The following CACNA1D variants were observed in gnomAD, a reference collection of about 807,000 sequenced individuals.
CACNA1D encodes the protein calcium voltage-gated channel subunit alpha1 D.
CACNA1D carries 55 observed loss-of-function variants against 257.1 expected under a neutral mutation model. The observed-to-expected ratio is 0.21, with a 90% CI of 0.17 to 0.27. The LOEUF (loss-of-function observed/expected upper bound fraction) is 0.27. CACNA1D is among the 10% of genes least tolerant of loss of function. CACNA1D has a pLI of 1.00. For missense variants in CACNA1D, 1,876 were observed against 2,784.0 expected, an observed-to-expected ratio of 0.67 and a Z score of 7.34; for synonymous variants, 980 against 1,014.9, an observed-to-expected ratio of 0.97 and a Z score of 0.65.
intron 4 of CACNA1D, among the ~76,000 whole-genome samples, chr3:53,651,361 A>ATTTTATTTTTTTTTTT (rs1576235107): frequency 1.7e-5 from 1 of 57,168 alleles, no homozygotes; most frequent in Non-Finnish European, 3.4e-5. Flanking sequence ...AAAGCTATTA[A>ATTTTATTTTTTTTTTT]TTTTCTTTTT....
At position 53,813,129 on chromosome 3, in the gene CACNA1D, A is replaced by ATTTTTTTTTTTTTTTTTTTTTTTTTTTTT. The variant is rs59630779; in HGVS notation, c.*1746_*1747insTTTTTTTTTTTTTTTTTTTTTTTTTTTTT. The ATTTTTTTTTTTTTTTTTTTTTTTTTTTTT allele has an allele frequency of 8.5e-6, 1 of 118,120 alleles. No homozygotes were observed. The allele number at this position is 118,120 out of a possible 1,614,324, so 7.3% of individuals were successfully genotyped here. ...TTAATAGTATACAGACAACCTGTTA[A>ATTTTTTTTTTTTTTTTTTTTTTTTTTTTT]TTTTTTTTTTTTTTTTTTTTTTTGT... On this transcript the variant is annotated 3_prime_UTR_variant, in exon 48 of 48. Transcript: ENST00000350061.
intron 3 of CACNA1D, among the ~76,000 whole-genome samples, chr3:53,515,503 C>T (rs1161798211): frequency 6.6e-6 from 1 of 152,192 alleles, no homozygotes; most frequent in South Asian, 2.1e-4. Flanking sequence ...ATTTGACACA[C>T]CAGGCAGCCA....
At chr3:53,781,202 C>T (rs1181037616) in intron 38 of CACNA1D, among the ~76,000 whole-genome samples, 1 of 152,124 alleles carries the variant, frequency 6.6e-6, no homozygotes, top group Non-Finnish European at 1.5e-5. Context: ...GAAGGAGGTA[C>T]GATTTGGAAC....
intron 3 of CACNA1D, among the ~76,000 whole-genome samples, chr3:53,518,115 A>G (rs1478599068): frequency 6.6e-6 from 1 of 152,196 alleles, no homozygotes; most frequent in African/African-American, 2.4e-5. Context: ...CTTTCTCTGC[A>G]CTGTGGCTTT....
chr3:53,679,779 T>C (rs1171144295), intron 8 of CACNA1D: 1 of 152,238 alleles, frequency 6.6e-6, no homozygotes, highest in East Asian at 1.9e-4. Flanking sequence ...GAAAGATTTG[T>C]TCACAGTTGG....
intron 3 of CACNA1D, among the ~76,000 whole-genome samples, chr3:53,516,182 G>A (rs1461473060): frequency 6.6e-6 from 1 of 152,200 alleles, no homozygotes. Flanking sequence ...TAGTTAACTG[G>A]TCAAGAATAG....
In CACNA1D at chr3:53,702,656, AAG is replaced by A; in HGVS notation, c.1242_1243del (p.Lys415GlyfsTer31). ...CCTCCTTCAGAGAATTCTCAAAGGAAAGAGAGAAGGCAAAAGCACGGGGAGAT... is the reference window on the plus strand; with the variant it reads ...CCTCCTTCAGAGAATTCTCAAAGGAAAGAGAAGGCAAAAGCACGGGGAGAT... ...GVLSGEFSKE[R>X]EKAKARGDFQ... On this transcript the variant is annotated frameshift_variant, in exon 9 of 48. Coordinates refer to ENST00000350061, the MANE Select transcript of CACNA1D (RefSeq NM_001128840.3). LOFTEE classifies it high-confidence loss of function. The A allele has an allele frequency of 6.2e-7, 1 of 1,614,010 alleles. No homozygotes were observed. The highest frequency in any genetic ancestry group is 8.5e-7 in the Non-Finnish European group (1 of 1,180,026).
chr3:53,736,632 G>A lies in CACNA1D; in HGVS notation c.2751+1129G>A, dbSNP rs543772991. On this transcript the variant is annotated intron_variant, in intron 20 of 47. Coordinates refer to ENST00000350061, the MANE Select transcript of CACNA1D (RefSeq NM_001128840.3). ...ATTGGCTGGGCGTGGTGGCTTATAC[G>A]TATAATCCCAGCATTTTGGGAGGCC... is the stretch of plus-strand genomic sequence containing the variant. 1.4e-4 allele frequency among the ~76,000 whole-genome samples: 21 copies of A among 152,014 alleles called. No individual in the cohort carries two copies. In the South Asian group the frequency reaches 4.2e-3, roughly 30 times the overall value.
At chr3:53,804,884 A>G (rs2095554203) in intron 44 of CACNA1D, 99 bp from the exon 45 acceptor site, 1 of 1,138,162 alleles carries the variant, frequency 8.8e-7, no homozygotes, top group African/African-American at 1.5e-5. Context: ...ACTGTGTCCA[A>G]GGGAGGAGGC....
At chr3:53,810,656 G>C (rs143366820) in intron 47 of CACNA1D, 3 of 352,782 alleles carry the variant, frequency 8.5e-6, no homozygotes, top group African/African-American at 4.3e-5. Flanking sequence ...TACTCAGGAG[G>C]CTGCAGCAGG....
chr3:53,800,914 T>G lies in CACNA1D; in HGVS notation c.5041-144T>G. On this transcript the variant is annotated intron_variant, in intron 41 of 47. Transcript: ENST00000350061. The surrounding 1 kb of genome is among the most constrained non-coding windows in gnomAD (Gnocchi z 4.3). ...TGCCACACAGTCACATTCACCCTGA[T>G]CATTGAGACACTCAGATTGTTTTAC... 1.3e-6 allele frequency: 1 copy of G among 792,760 alleles called. No homozygotes were observed. The highest frequency in any genetic ancestry group is 2.2e-6 in the Non-Finnish European group (1 of 460,340). 49.1% of individuals were successfully genotyped at this position (792,760 alleles called of 1,614,324 possible). A position where few individuals can be genotyped will look rare whatever the true frequency, so the allele number is the denominator to read the frequency against.
intron 3 of CACNA1D, among the ~76,000 whole-genome samples, chr3:53,647,346 GT>G (rs1157998459): frequency 1.3e-5 from 2 of 152,208 alleles, no homozygotes; most frequent in Admixed American, 1.3e-4. Flanking sequence ...GGGAAGGGCT[GT>G]TAAGGTACAG....
In CACNA1D at chr3:53,621,440, G is replaced by A. The variant is rs190282266; in HGVS notation, c.484-29339G>A. 5.3e-4 allele frequency among the ~76,000 whole-genome samples: 81 copies of A among 152,298 alleles called. 2 individuals carry two copies. The East Asian group carries it at 0.014, about 26-fold the overall frequency. ...GATTAGGGCTGGGGACAGTGGTGGC[G>A]AGAGAGTCAAGTGTGTGTTTCTCAA... is the stretch of plus-strand genomic sequence containing the variant. On this transcript the variant is annotated intron_variant, in intron 3 of 47. Transcript: ENST00000350061.
At chr3:53,691,202 C>T (rs564979277) in intron 8 of CACNA1D, among the ~76,000 whole-genome samples, 17 of 150,788 alleles carry the variant, frequency 1.1e-4, no homozygotes, top group Non-Finnish European at 5.9e-5. Context: ...TACAATGGCG[C>T]GATCTCAGCT....
At chr3:53,730,903 T>C (rs2094985046) in intron 16 of CACNA1D, 174 bp from the exon 17 acceptor site, 3 of 620,040 alleles carry the variant, frequency 4.8e-6, no homozygotes, top group Non-Finnish European at 8.6e-6. Context: ...ATCCATCGCA[T>C]TGAGATTACC....
In CACNA1D at chr3:53,786,921, A is replaced by T; in HGVS notation, c.4892A>T (p.Tyr1631Phe). The change falls in exon 40 of 48, where the codon TAC (tyrosine) becomes TTC (phenylalanine). Residue 1631 changes from tyrosine to phenylalanine, a missense_variant. Around this residue, in one of 10 missense-constraint regions of CACNA1D, gnomAD observed 160 missense variants for 236.6 expected, o/e 0.68. Coordinates refer to ENST00000350061, the MANE Select transcript of CACNA1D (RefSeq NM_001128840.3). ...AAAGAACAAGGACTGGTGGGAAAGT[A>T]CCCTGCGAAGAACACCACAATTGCC... ...KRKEQGLVGK[Y>F]PAKNTTIALQ... 6.2e-7 allele frequency: 1 copy of T among 1,614,170 alleles called. No individual in the cohort carries two copies. The highest frequency in any genetic ancestry group is 8.5e-7 in the Non-Finnish European group (1 of 1,179,970).
chr3:53,798,925 C>G (rs764800025), intron 40 of CACNA1D, among the ~76,000 whole-genome samples: 9 of 152,214 alleles, frequency 5.9e-5, no homozygotes, highest in Non-Finnish European at 1.3e-4. Context: ...GTCATCATGC[C>G]TATCTGTCCT....
intron 3 of CACNA1D, among the ~76,000 whole-genome samples, chr3:53,535,389 AT>A (rs2092085591): frequency 6.6e-6 from 1 of 152,186 alleles, no homozygotes; most frequent in South Asian, 2.1e-4. Context: ...ATCCAGTATT[AT>A]TGGAATAGAT....
At chr3:53,715,912 C>T (rs2094813612) in intron 9 of CACNA1D, among the ~76,000 whole-genome samples, 1 of 152,174 alleles carries the variant, frequency 6.6e-6, no homozygotes, top group Non-Finnish European at 1.5e-5. Flanking sequence ...ATTTCATACA[C>T]TAATAGTTGG....
Sources: allele counts gnomAD v4.1 joint callset (sites outside exome capture counted in the v4.1 genomes callset), GRCh38; gene constraint gnomAD v4.1.1; regional missense constraint gnomAD v4.1.1; non-coding constraint Gnocchi (gnomAD v3.1); transcripts MANE v1.5; gene names NCBI Gene and HGNC (gene_info 2026-07-23, HGNC 2026-07-21).